Variants in GLIS3 observed in about 807,000 individuals in gnomAD.
GLIS3 encodes the protein zinc finger protein GLIS3.
GLIS3 carries 53 observed loss-of-function variants against 78.6 expected under a neutral mutation model. That is an observed-to-expected ratio of 0.67 (90% CI 0.54 to 0.85). The LOEUF (loss-of-function observed/expected upper bound fraction) is 0.85, where lower values mean the gene tolerates loss of function less well. Among genes scored for constraint, GLIS3 ranks in the 40% least tolerant of loss-of-function variants. The probability of loss-of-function intolerance (pLI) is 0.00; values close to 1 mark genes in which losing one functional copy is unlikely to be tolerated. For missense variants in GLIS3, 1,703 were observed against 1,231.1 expected (o/e 1.38, Z -5.74); for synonymous variants, 684 against 509.9 (o/e 1.34, Z -4.60).
intron 2 of GLIS3, among the ~76,000 whole-genome samples, chr9:4,312,571 T>C (rs1488705360): frequency 2.6e-5 from 4 of 152,262 alleles, no homozygotes; most frequent in African/African-American, 9.6e-5. Context: ...AGTATAGTTA[T>C]ACATATGAAA....
chr9:4,073,544 A>T (rs932415852), intron 4 of GLIS3, among the ~76,000 whole-genome samples: 1 of 152,188 alleles, frequency 6.6e-6, no homozygotes, highest in Non-Finnish European at 1.5e-5. Context: ...AGGCAAAGCT[A>T]GCTAAGAAAT....
chr9:3,874,746 G>T (rs1821197079), intron 8 of GLIS3, among the ~76,000 whole-genome samples: 1 of 152,192 alleles, frequency 6.6e-6, no homozygotes, highest in African/African-American at 2.4e-5. Context: ...CCACACAGTT[G>T]GTCACAGAAA....
chr9:4,360,861 T>C, the GLIS3 span, among the ~76,000 whole-genome samples: 1 of 152,184 alleles, frequency 6.6e-6, no homozygotes, highest in Admixed American at 6.5e-5. Context: ...ATGATGCCAC[T>C]GAGGTGGAGG....
intron 2 of GLIS3, among the ~76,000 whole-genome samples, chr9:4,181,747 T>C (rs575148155): frequency 6.6e-6 from 1 of 152,178 alleles, no homozygotes; most frequent in African/African-American, 2.4e-5. Flanking sequence ...GCTTGAGCAT[T>C]GGAGCTTATT....
the GLIS3 span, among the ~76,000 whole-genome samples, chr9:4,405,070 T>C: frequency 1.4e-4 from 22 of 152,202 alleles, no homozygotes; most frequent in South Asian, 3.9e-3. Context: ...ATTCAAATGA[T>C]CCTGCCTGGC....
the GLIS3 span, among the ~76,000 whole-genome samples, chr9:4,459,658 G>C: frequency 6.6e-6 from 1 of 152,114 alleles, no homozygotes; most frequent in Non-Finnish European, 1.5e-5. Flanking sequence ...CCAGCTACTT[G>C]GGAGACTGAG....
chr9:4,449,133 A>G, the GLIS3 span, among the ~76,000 whole-genome samples: 52 of 152,176 alleles, frequency 3.4e-4, no homozygotes, highest in Admixed American at 1.8e-3. Context: ...GTACTTTTCC[A>G]ACGGTCTTAG....
chr9:4,162,709 A>T (rs951431408), intron 2 of GLIS3, among the ~76,000 whole-genome samples: 5 of 151,632 alleles, frequency 3.3e-5, no homozygotes, highest in Non-Finnish European at 7.4e-5. Context: ...TACAAAAAAT[A>T]AGCTGGGCAT....
chr9:3,986,203 C>T (rs1213107294), intron 4 of GLIS3, among the ~76,000 whole-genome samples: 1 of 152,180 alleles, frequency 6.6e-6, no homozygotes, highest in African/African-American at 2.4e-5. Context: ...ACAAGATACC[C>T]TCTGTCTTCT....
At chr9:3,918,981 G>A (rs547117167) in intron 6 of GLIS3, among the ~76,000 whole-genome samples, 3 of 152,280 alleles carry the variant, frequency 2.0e-5, no homozygotes, top group Admixed American at 6.5e-5. Flanking sequence ...GTACTTAGTT[G>A]ACCCTACATA....
chr9:4,469,534 C>G, the GLIS3 span, among the ~76,000 whole-genome samples: 3 of 152,314 alleles, frequency 2.0e-5, no homozygotes, highest in African/African-American at 7.2e-5. Context: ...TACTGAATGA[C>G]TACTGGGTAC....
At chr9:4,411,220 A>T in the GLIS3 span, among the ~76,000 whole-genome samples, 3 of 152,246 alleles carry the variant, frequency 2.0e-5, no homozygotes, top group African/African-American at 7.2e-5. Flanking sequence ...TCTCAATTTA[A>T]ATTACTGTGA....
intron 2 of GLIS3, among the ~76,000 whole-genome samples, chr9:4,206,519 C>G (rs908370842): frequency 6.6e-6 from 1 of 152,200 alleles, no homozygotes; most frequent in Non-Finnish European, 1.5e-5. Context: ...AAATCCCACA[C>G]AGCCTATGTG....
At chr9:4,377,070 T>C in the GLIS3 span, among the ~76,000 whole-genome samples, 8 of 134,656 alleles carry the variant, frequency 5.9e-5, 3 homozygotes, top group Admixed American at 6.0e-4. Flanking sequence ...TAACACAGGG[T>C]TTGTGACGGT....
At chr9:4,238,094 C>G (rs968187561) in intron 2 of GLIS3, among the ~76,000 whole-genome samples, 1 of 152,190 alleles carries the variant, frequency 6.6e-6, no homozygotes, top group Non-Finnish European at 1.5e-5. Context: ...AGCACAAAGT[C>G]AGGAGTAAGC....
At chr9:4,301,758 C>T (rs182877164), upstream of GLIS3, among the ~76,000 whole-genome samples, 235 of 152,266 alleles carry the variant, frequency 1.5e-3, 1 homozygote, top group Non-Finnish European at 3.1e-3. Context: ...ATGATGGGAA[C>T]AGCTTAGCTG....
chr9:3,859,627 G>A (rs1820041330), intron 8 of GLIS3, among the ~76,000 whole-genome samples: 1 of 152,140 alleles, frequency 6.6e-6, no homozygotes, highest in Non-Finnish European at 1.5e-5. Flanking sequence ...GTTACAGCGT[G>A]TCCAAGAGCC....
intron 2 of GLIS3, among the ~76,000 whole-genome samples, chr9:4,175,670 G>A (rs1816751386): frequency 1.3e-5 from 2 of 152,130 alleles, no homozygotes; most frequent in South Asian, 4.2e-4. Context: ...TACTGGATAA[G>A]AAATAAATTT....
At chr9:4,187,136 G>A (rs1160835075) in intron 2 of GLIS3, among the ~76,000 whole-genome samples, 4 of 152,240 alleles carry the variant, frequency 2.6e-5, no homozygotes, top group Admixed American at 2.6e-4. Flanking sequence ...TAGGTCTAAC[G>A]TTTAAGTCTT....
Sources: allele counts gnomAD v4.1 joint callset (sites outside exome capture counted in the v4.1 genomes callset), GRCh38; gene constraint gnomAD v4.1.1; transcripts MANE v1.5; gene names NCBI Gene and HGNC (gene_info 2026-07-23, HGNC 2026-07-21).